NBEA: variants seen among roughly 807,000 people sequenced by gnomAD.
NBEA encodes the protein neurobeachin.
In NBEA, 44 loss-of-function variants were observed where a neutral mutation model predicts 343.4. The observed-to-expected ratio is 0.13, with a 90% CI of 0.10 to 0.16. NBEA has a LOEUF of 0.16. Ranked by LOEUF, NBEA falls within the 10% of genes least tolerant of loss-of-function variation. The pLI is 1.00. For synonymous variants in NBEA, 1,175 were observed against 1,238.7 expected (o/e 0.95, Z 1.08); for missense variants, 2,555 against 3,631.3 (o/e 0.70, Z 7.62).
chr13:35,018,780 T>C (rs894595162), intron 1 of NBEA, among the ~76,000 whole-genome samples: 11 of 152,188 alleles, frequency 7.2e-5, no homozygotes, highest in African/African-American at 2.7e-4. Context: ...ATGATAACAC[T>C]GAATAGAAGT....
chr13:34,952,392 A>G (rs760279343), intron 1 of NBEA, among the ~76,000 whole-genome samples: 24 of 152,230 alleles, frequency 1.6e-4, no homozygotes, highest in Non-Finnish European at 3.5e-4. Flanking sequence ...TGAGTTATTA[A>G]TATTTGAGTT....
At chr13:35,432,055 G>A (rs1180923733) in intron 38 of NBEA, among the ~76,000 whole-genome samples, 3 of 151,750 alleles carry the variant, frequency 2.0e-5, no homozygotes, top group African/African-American at 4.8e-5. Flanking sequence ...CCTGAAATAT[G>A]AGAATGTTAT....
intron 38 of NBEA, among the ~76,000 whole-genome samples, chr13:35,381,146 T>G (rs2152892022): frequency 6.6e-6 from 1 of 152,316 alleles, no homozygotes; most frequent in South Asian, 2.1e-4. Flanking sequence ...GACTGTAAAC[T>G]TCTTGACAGT....
chr13:35,345,895 T>G (rs2039843878), intron 36 of NBEA, among the ~76,000 whole-genome samples: 1 of 152,104 alleles, frequency 6.6e-6, no homozygotes, highest in Admixed American at 6.6e-5. Context: ...ATCTTTTGAG[T>G]TAATCAGTCA....
At chr13:35,378,158 C>A (rs1026193415) in intron 38 of NBEA, among the ~76,000 whole-genome samples, 1 of 152,116 alleles carries the variant, frequency 6.6e-6, no homozygotes, top group Non-Finnish European at 1.5e-5. Flanking sequence ...CAGGAATAGG[C>A]CCATAGAAAT....
intron 44 of NBEA, among the ~76,000 whole-genome samples, 176 bp from the exon 45 acceptor site, chr13:35,566,729 C>G (rs1474314774): frequency 1.3e-5 from 2 of 152,176 alleles, no homozygotes; most frequent in East Asian, 3.9e-4. Context: ...CTAGTTACGT[C>G]TTAAAACAAT....
intron 47 of NBEA, among the ~76,000 whole-genome samples, chr13:35,603,682 G>A (rs1777672): frequency 0.94 from 143,452 of 152,254 alleles, 68,170 homozygotes; most frequent in East Asian, 1. Flanking sequence ...TAGCCTCGTT[G>A]TAGAGATAGG....
intron 1 of NBEA, among the ~76,000 whole-genome samples, chr13:35,028,997 T>G (rs1593514875): frequency 6.6e-6 from 1 of 151,660 alleles, no homozygotes; most frequent in African/African-American, 2.4e-5. Context: ...GACTATATTA[T>G]TAAAAGTTAT....
At position 35,045,471 on chromosome 13, in the gene NBEA, A is replaced by C. The variant is rs956612125; in HGVS notation, c.723+70A>C. On this transcript the variant is annotated intron_variant, in intron 4 of 58. Coordinates refer to ENST00000379939, the MANE Select transcript of NBEA (RefSeq NM_001385012.1). The stretch of plus-strand genomic sequence containing the variant: ...GGTCACCTTTAGTAAGGTTTAACTT[A>C]CATATAATAAAATTTACCAGTTTAG... 6 of 1,222,904 alleles carry C rather than the reference A, an allele frequency of 4.9e-6. No homozygotes were observed. The African/African-American group carries it at 6.2e-5, about 13-fold the overall frequency. The allele number at this position is 1,222,904 out of a possible 1,614,324, so 75.8% of individuals were successfully genotyped here. A position where few individuals can be genotyped will look rare whatever the true frequency, so the allele number is the denominator to read the frequency against.
At chr13:34,967,778 A>G (rs754910516) in intron 1 of NBEA, among the ~76,000 whole-genome samples, 12 of 152,034 alleles carry the variant, frequency 7.9e-5, no homozygotes, top group Non-Finnish European at 1.6e-4. Context: ...AAAATACATC[A>G]TTTTTCAACA....
chr13:35,476,814 T>C (rs2075893477), intron 41 of NBEA: 6 of 1,025,846 alleles, frequency 5.8e-6, no homozygotes, highest in Non-Finnish European at 7.1e-6. Flanking sequence ...TCCCCACTCA[T>C]GGATATAGGC....
chr13:35,540,416 C>A (rs1448841478), intron 41 of NBEA, among the ~76,000 whole-genome samples: 1 of 152,100 alleles, frequency 6.6e-6, no homozygotes, highest in African/African-American at 2.4e-5. Context: ...CCCACCTCAT[C>A]CCTTTGTAAA....
chr13:35,665,018 A>C (rs2085282705), intron 55 of NBEA, 67 bp from the exon 56 acceptor site: 3 of 1,058,046 alleles, frequency 2.8e-6, no homozygotes, highest in Non-Finnish European at 4.3e-6. Flanking sequence ...TGAATATTGC[A>C]TTGCTGGTGT....
intron 36 of NBEA, among the ~76,000 whole-genome samples, chr13:35,310,757 T>C (rs938657739): frequency 6.6e-5 from 10 of 152,196 alleles, no homozygotes; most frequent in Non-Finnish European, 1.0e-4. Flanking sequence ...CATGACCTAT[T>C]CATTTCATAT....
At chr13:35,627,068 A>G (rs942346521) in intron 48 of NBEA, among the ~76,000 whole-genome samples, 2 of 152,212 alleles carry the variant, frequency 1.3e-5, no homozygotes, top group Admixed American at 6.5e-5. Context: ...AATGAAAAGC[A>G]GTTTTTGGCA....
intron 36 of NBEA, among the ~76,000 whole-genome samples, chr13:35,344,796 A>G (rs958322967): frequency 2.0e-5 from 3 of 152,126 alleles, no homozygotes; most frequent in African/African-American, 7.2e-5. Context: ...AAGCCCAAAT[A>G]GTTTACAGGA....
chr13:35,257,606 A>G (rs1369613948), intron 34 of NBEA, among the ~76,000 whole-genome samples: 2 of 152,210 alleles, frequency 1.3e-5, no homozygotes, highest in Non-Finnish European at 2.9e-5. Context: ...CATGAAGAAA[A>G]TGGAAAGGAA....
At chr13:35,533,514 AAT>A (rs1451153912) in intron 41 of NBEA, among the ~76,000 whole-genome samples, 3 of 152,052 alleles carry the variant, frequency 2.0e-5, no homozygotes, top group Non-Finnish European at 2.9e-5. Context: ...TTTCCTCCTA[AAT>A]ATTAGTGTCA....
chr13:35,311,134 A>T (rs181259552), intron 36 of NBEA, among the ~76,000 whole-genome samples: 201 of 152,280 alleles, frequency 1.3e-3, no homozygotes, highest in African/African-American at 4.7e-3. Context: ...AGTGTTTTAC[A>T]TAACAGCACT....
Sources: allele counts gnomAD v4.1 joint callset (sites outside exome capture counted in the v4.1 genomes callset), GRCh38; gene constraint gnomAD v4.1.1; transcripts MANE v1.5; gene names NCBI Gene and HGNC (gene_info 2026-07-23, HGNC 2026-07-21).